Variants in FRAS1 observed in about 807,000 individuals in gnomAD.
FRAS1 encodes the protein Fraser extracellular matrix complex subunit 1.
Under a neutral mutation model 435.2 loss-of-function variants are expected in FRAS1, and 290 were observed. The ratio of observed to expected loss-of-function variants is 0.67; its 90% CI spans 0.61 to 0.73. The LOEUF is 0.73. Ranked by LOEUF, FRAS1 falls within the 30% of genes least tolerant of loss-of-function variation. The probability of loss-of-function intolerance (pLI) is 0.00; values close to 1 mark genes in which losing one functional copy is unlikely to be tolerated. For missense variants in FRAS1, 4,860 were observed against 5,001.5 expected (o/e 0.97, Z 0.85); for synonymous variants, 1,800 against 1,851.0 (o/e 0.97, Z 0.71).
chr4:78,376,789 A>G (rs1731783495), intron 26 of FRAS1, among the ~76,000 whole-genome samples: 1 of 152,018 alleles, frequency 6.6e-6, no homozygotes, highest in African/African-American at 2.4e-5. Flanking sequence ...TCAGGAGTTC[A>G]AGACCAGCCT....
At chr4:78,118,248 G>A (rs1361546953) in intron 2 of FRAS1, among the ~76,000 whole-genome samples, 1 of 152,204 alleles carries the variant, frequency 6.6e-6, no homozygotes, top group Non-Finnish European at 1.5e-5. Flanking sequence ...CTACTGGGGG[G>A]TGCCTCCCAG....
At chr4:78,079,745 A>T (rs1257370517) in intron 2 of FRAS1, among the ~76,000 whole-genome samples, 1 of 152,114 alleles carries the variant, frequency 6.6e-6, no homozygotes, top group African/African-American at 2.4e-5. Context: ...TCTCCGGCAA[A>T]AGTTCCAGAA....
intron 2 of FRAS1, chr4:78,180,774 T>C: frequency 1.0e-6 from 1 of 991,970 alleles, no homozygotes; most frequent in Non-Finnish European, 1.5e-6. Flanking sequence ...AGTCTTTTTT[T>C]TTTTTTAATT....
chr4:78,391,712 A>G (rs1185263878), intron 29 of FRAS1, among the ~76,000 whole-genome samples: 1 of 152,138 alleles, frequency 6.6e-6, no homozygotes, highest in Non-Finnish European at 1.5e-5. Flanking sequence ...CCCAAGTGTC[A>G]TGCTAGGAAC....
In FRAS1 at chr4:78,200,902, C is replaced by CATAT. The variant is rs1560577811; in HGVS notation, c.109-36608_109-36607insATAT. Among the ~76,000 whole-genome samples, 9 of 91,058 alleles carry CATAT rather than the reference C, an allele frequency of 9.9e-5. No individual in the cohort carries two copies. In the South Asian group the frequency reaches 2.1e-3, roughly 21 times the overall value. 59.7% of individuals were successfully genotyped at this position (91,058 alleles called of 152,430 possible). On this transcript the variant is annotated intron_variant, in intron 2 of 73. Transcript: ENST00000512123. ...ATATATATATGTATATATATAAATACGTATATATATATATATGTTAAATAT... is the reference window on the plus strand; with the variant it reads ...ATATATATATGTATATATATAAATACATATGTATATATATATATATGTTAAATAT...
At chr4:78,089,415 C>T (rs1215335295) in intron 2 of FRAS1, among the ~76,000 whole-genome samples, 1 of 151,838 alleles carries the variant, frequency 6.6e-6, no homozygotes, top group Admixed American at 6.6e-5. Flanking sequence ...TGTACCCTAA[C>T]ACTTAAAGTA....
intron 1 of FRAS1, among the ~76,000 whole-genome samples, chr4:78,058,555 A>C (rs752042241): frequency 3.3e-5 from 5 of 152,116 alleles, no homozygotes; most frequent in Admixed American, 6.5e-5. Context: ...GTCTCCCCCT[A>C]AAGTCCAGTT....
chr4:78,176,472 C>T (rs911161792), intron 2 of FRAS1, among the ~76,000 whole-genome samples: 2 of 152,180 alleles, frequency 1.3e-5, no homozygotes, highest in Non-Finnish European at 2.9e-5. Context: ...ACCAGTTGTT[C>T]TGATTTTTCC....
intron 70 of FRAS1, among the ~76,000 whole-genome samples, chr4:78,528,131 A>G (rs1195103733): frequency 6.6e-6 from 1 of 152,166 alleles, no homozygotes; most frequent in Non-Finnish European, 1.5e-5. Flanking sequence ...AAAGTGAAGA[A>G]TGTCGAGGTT....
chr4:78,211,843 C>G (rs774489128), intron 2 of FRAS1, among the ~76,000 whole-genome samples: 3 of 152,106 alleles, frequency 2.0e-5, no homozygotes, highest in Non-Finnish European at 4.4e-5. Context: ...AACCATTAAG[C>G]AGTAACTTTC....
intron 2 of FRAS1, among the ~76,000 whole-genome samples, chr4:78,187,551 A>G (rs760636832): frequency 8.5e-5 from 13 of 152,106 alleles, no homozygotes; most frequent in Non-Finnish European, 1.6e-4. Flanking sequence ...CCTCAGAAAG[A>G]TATCTGTCCT....
At chr4:78,499,975 T>C in intron 61 of FRAS1, 54 bp downstream of exon 61, 2 of 1,337,854 alleles carry the variant, frequency 1.5e-6, no homozygotes, top group Non-Finnish European at 2.0e-6. Flanking sequence ...GGGGCAAAAA[T>C]CTTGTATTTG....
chr4:78,143,489 G>A (rs1720274906), intron 2 of FRAS1, among the ~76,000 whole-genome samples: 2 of 152,122 alleles, frequency 1.3e-5, no homozygotes, highest in Non-Finnish European at 1.5e-5. Flanking sequence ...TTGATGTATA[G>A]TTCATAAAAT....
At chr4:78,489,629 G>T (rs1253573840) in intron 59 of FRAS1, among the ~76,000 whole-genome samples, 9 of 152,070 alleles carry the variant, frequency 5.9e-5, no homozygotes, top group African/African-American at 2.2e-4. Flanking sequence ...TTCCTTCTTT[G>T]TCTCCCACTT....
At position 78,274,480 on chromosome 4, in the gene FRAS1, C is replaced by G. The variant is rs1237876177; in HGVS notation, c.982-4175C>G. Among the ~76,000 whole-genome samples the G allele has an allele frequency of 5.3e-5, 8 of 152,152 alleles. No individual in the cohort carries two copies. The South Asian group carries it at 8.3e-4, about 16-fold the overall frequency. ...GCTATAAATTTCCCTCTACACACTG[C>G]TTTACATGTGTCCCAGAGATTCTGG... On this transcript the variant is annotated intron_variant, in intron 9 of 73. Coordinates refer to ENST00000512123, the MANE Select transcript of FRAS1 (RefSeq NM_025074.7).
chr4:78,473,022 C>T (rs974768066), intron 52 of FRAS1, among the ~76,000 whole-genome samples: 1 of 152,188 alleles, frequency 6.6e-6, no homozygotes, highest in African/African-American at 2.4e-5. Flanking sequence ...CTTATTAGCA[C>T]ATACCTTCCA....
chr4:78,428,255 T>A (rs1734068492), intron 35 of FRAS1, among the ~76,000 whole-genome samples: 1 of 152,224 alleles, frequency 6.6e-6, no homozygotes, highest in Admixed American at 6.5e-5. Context: ...CAAGTAAAAA[T>A]GGATCTGCTT....
intron 2 of FRAS1, among the ~76,000 whole-genome samples, chr4:78,079,797 G>T (rs1198612191): frequency 6.6e-6 from 1 of 152,074 alleles, no homozygotes; most frequent in African/African-American, 2.4e-5. Context: ...ATCATACCCC[G>T]AGGTAAAATC....
intron 23 of FRAS1, 121 bp downstream of exon 23, chr4:78,370,105 A>G (rs2110304840): frequency 1.2e-6 from 1 of 851,894 alleles, no homozygotes; most frequent in Non-Finnish European, 1.8e-6. Context: ...GTCTCTGATG[A>G]TAGCAACAAT....
Sources: gnomAD v4.1 joint callset for allele counts (sites outside exome capture counted in the v4.1 genomes callset) on GRCh38, gnomAD v4.1.1 for gene constraint, MANE v1.5 for transcripts, NCBI Gene and HGNC (gene_info 2026-07-23, HGNC 2026-07-21) for gene names.